USP7: variants seen among roughly 807,000 people sequenced by gnomAD.
The protein encoded by USP7 is ubiquitin C-terminal hydrolase 7.
Under a neutral mutation model 162.9 loss-of-function variants are expected in USP7, and 9 were observed. That is an observed-to-expected ratio of 0.06 (90% CI 0.03 to 0.10). The LOEUF (loss-of-function observed/expected upper bound fraction) is 0.10, where lower values mean the gene tolerates loss of function less well. Ranked by LOEUF, USP7 falls within the 10% of genes least tolerant of loss-of-function variation. The pLI, the probability that USP7 is intolerant of heterozygous loss-of-function variation, is 1.00. For missense variants in USP7, 715 were observed against 1,373.7 expected (o/e 0.52, Z 7.58); for synonymous variants, 562 against 475.9 (o/e 1.18, Z -2.35).
chr16:8,898,113 G>C (rs2141166120), intron 25 of USP7, among the ~76,000 whole-genome samples: 1 of 152,290 alleles, frequency 6.6e-6, no homozygotes, highest in Middle Eastern at 3.4e-3. Context: ...AAGCATCACA[G>C]TGGGACCCAG....
intron 13 of USP7, 53 bp from the exon 14 acceptor site, chr16:8,905,384 C>A: frequency 3.1e-6 from 5 of 1,598,544 alleles, no homozygotes; most frequent in Non-Finnish European, 4.3e-6. Context: ...GACAAGTACC[C>A]AACACTAGAA....
At chr16:8,941,691 G>C (rs1269112352) in intron 1 of USP7, among the ~76,000 whole-genome samples, 1 of 152,216 alleles carries the variant, frequency 6.6e-6, no homozygotes, top group South Asian at 2.1e-4. Context: ...GGTGTGGTGA[G>C]GAGTGAGGGG....
chr16:8,895,129 C>T lies in USP7; in HGVS notation c.2941G>A (p.Asp981Asn). The T allele has an allele frequency of 6.2e-7, 1 of 1,614,238 alleles. No homozygotes were observed. The highest frequency in any genetic ancestry group is 8.5e-7 in the Non-Finnish European group (1 of 1,180,040). The change falls in exon 28 of 31, where the codon GAC (aspartate) becomes AAC (asparagine). Residue 981 changes from aspartate (D) to asparagine (N), a missense_variant. Transcript: ENST00000344836. Reference protein sequence around the residue: ...RIEEIPLDQVDIDKENEMLVT... With the variant: ...RIEEIPLDQVNIDKENEMLVT... ...AGCATCTCATTCTCTTTGTCTATGT[C>T]CACCTGGTCCAAAGGGATTTCCTGG...
Position 8,897,108 on chromosome 16 carries a change from T to C in USP7, c.2719-9A>G. The C allele has an allele frequency of 1.9e-6, 3 of 1,600,378 alleles. No homozygotes were observed. The highest frequency in any genetic ancestry group is 2.6e-6 in the Non-Finnish European group (3 of 1,168,542). On this transcript the variant is annotated splice_polypyrimidine_tract_variant and intron_variant, in intron 25 of 30. Coordinates refer to ENST00000344836, the MANE Select transcript of USP7 (RefSeq NM_003470.3). ...GGATATAGTGTTATTTCCTAAGTAA[T>C]GAAAAGATAAAATAAGTGCTTTCAA...
chr16:8,943,634 T>C (rs940326656), intron 1 of USP7, among the ~76,000 whole-genome samples: 13 of 152,308 alleles, frequency 8.5e-5, no homozygotes, highest in African/African-American at 3.1e-4. Flanking sequence ...GCAATGGAGA[T>C]GCCCACCAGT....
intron 1 of USP7, among the ~76,000 whole-genome samples, chr16:8,959,147 G>C (rs1045614709): frequency 6.6e-6 from 1 of 152,174 alleles, no homozygotes; most frequent in African/African-American, 2.4e-5. Context: ...CAACAACCTT[G>C]ACGGGCATGA....
intron 1 of USP7, among the ~76,000 whole-genome samples, chr16:8,935,045 C>A (rs1400907881): frequency 6.6e-6 from 1 of 152,140 alleles, no homozygotes; most frequent in Non-Finnish European, 1.5e-5. Context: ...GATAAGGCTG[C>A]CTTCTTTTAT....
At chr16:8,899,356 T>C (rs2061739768) in intron 22 of USP7, 168 bp from the exon 23 acceptor site, 1 of 743,976 alleles carries the variant, frequency 1.3e-6, no homozygotes, top group Admixed American at 2.8e-5. Context: ...ACCATGGGAG[T>C]AGCATATCTG....
chr16:8,956,580 C>T (rs1012284116), intron 1 of USP7, among the ~76,000 whole-genome samples: 2 of 152,082 alleles, frequency 1.3e-5, no homozygotes, highest in South Asian at 4.1e-4. Context: ...TCCTGGGCAA[C>T]ATGGTGAAAC....
At chr16:8,911,471 C>G (rs1374597712) in intron 10 of USP7, among the ~76,000 whole-genome samples, 1 of 152,164 alleles carries the variant, frequency 6.6e-6, no homozygotes, top group Non-Finnish European at 1.5e-5. Context: ...AATTGTATAT[C>G]CAGAGTGTAT....
intron 1 of USP7, among the ~76,000 whole-genome samples, chr16:8,961,342 A>C (rs1454987864): frequency 6.6e-6 from 1 of 151,994 alleles, no homozygotes. Context: ...AAAATACAAA[A>C]GTAGCCAGGC....
chr16:8,962,219 A>G (rs1900041620), intron 1 of USP7, among the ~76,000 whole-genome samples: 1 of 152,186 alleles, frequency 6.6e-6, no homozygotes, highest in East Asian at 1.9e-4. Flanking sequence ...CGCCGTTTTC[A>G]TTCAGGTGGC....
At chr16:8,955,648 G>A (rs1247184383) in intron 1 of USP7, among the ~76,000 whole-genome samples, 2 of 143,510 alleles carry the variant, frequency 1.4e-5, no homozygotes, top group East Asian at 4.2e-4. Flanking sequence ...GGAGGTTGCA[G>A]TGAGCCGAGA....
At chr16:8,960,480 G>C (rs997934056) in intron 1 of USP7, among the ~76,000 whole-genome samples, 1 of 152,194 alleles carries the variant, frequency 6.6e-6, no homozygotes, top group Admixed American at 6.5e-5. Flanking sequence ...CTGACCTATT[G>C]ATAGAGACAA....
At chr16:8,962,646 C>T in intron 1 of USP7, 1 of 259,360 alleles carries the variant, frequency 3.9e-6, no homozygotes, top group South Asian at 3.3e-5. Context: ...GAACTCTGGG[C>T]CAGTCCAAAA....
In USP7 at chr16:8,957,143, A is replaced by T. The variant is rs552149472; in HGVS notation, c.79+6064T>A. Among the ~76,000 whole-genome samples, 18 of 152,348 alleles carry T rather than the reference A, an allele frequency of 1.2e-4. 1 individual carries two copies. Among genetic ancestry groups the T allele is most frequent in the Admixed American group, 1.0e-3 (16 of 15,302 alleles). On this transcript the variant is annotated intron_variant, in intron 1 of 30. Coordinates refer to ENST00000344836, the MANE Select transcript of USP7 (RefSeq NM_003470.3). ...TAAAATTACCAACCCTCAGAAGTAG[A>T]CCTGCTTCTCTTCAAAAATTTCAAC...
At chr16:8,895,964 G>A (rs1427368604) in intron 26 of USP7, among the ~76,000 whole-genome samples, 1 of 151,732 alleles carries the variant, frequency 6.6e-6, no homozygotes, top group Non-Finnish European at 1.5e-5. Context: ...AGCCTCCCGA[G>A]TAGTTGGGAC....
At chr16:8,932,913 A>G (rs1005290181) in intron 1 of USP7, among the ~76,000 whole-genome samples, 1 of 152,094 alleles carries the variant, frequency 6.6e-6, no homozygotes, top group African/African-American at 2.4e-5. Flanking sequence ...AAAACCAATG[A>G]AGGCCTATTA....
At position 8,963,212 on chromosome 16, in the gene USP7, A is replaced by G; in HGVS notation, c.74T>C (p.Met25Thr). The change falls in exon 1 of 31, where the codon ATG becomes ACG. Residue 25 changes from methionine to threonine, a missense_variant. By Grantham distance (81) the Met-to-Thr change is moderately conservative. Coordinates refer to ENST00000344836, the MANE Select transcript of USP7 (RefSeq NM_003470.3). ...QQLSEPEDMEMEAGDTDDPPR... is the reference protein window; with the variant it reads ...QQLSEPEDMETEAGDTDDPPR... Reference sequence around the variant, plus strand: ...GGCCGGCCCTCGGGCCTCACCTTCCATCTCCATGTCCTCGGGCTCGCTCAA... The same window carrying G: ...GGCCGGCCCTCGGGCCTCACCTTCCGTCTCCATGTCCTCGGGCTCGCTCAA... 7.1e-7 allele frequency: 1 copy of G among 1,409,564 alleles called. No individual in the cohort carries two copies. The highest frequency in any genetic ancestry group is 9.3e-7 in the Non-Finnish European group (1 of 1,072,024). 87.3% of individuals were successfully genotyped at this position (1,409,564 alleles called of 1,614,324 possible). A position where few individuals can be genotyped will look rare whatever the true frequency, so the allele number is the denominator to read the frequency against.
Sources: allele counts gnomAD v4.1 joint callset (sites outside exome capture counted in the v4.1 genomes callset), GRCh38; gene constraint gnomAD v4.1.1; transcripts MANE v1.5; gene names NCBI Gene and HGNC (gene_info 2026-07-23, HGNC 2026-07-21).